The following CACHD1 variants were observed in gnomAD, a reference collection of about 807,000 sequenced individuals.
CACHD1 encodes cache domain containing 1, also known as VWFA and cache domain-containing protein 1.
In CACHD1, 71 loss-of-function variants were observed where a neutral mutation model predicts 138.7. The observed-to-expected ratio is 0.51, with a 90% CI of 0.42 to 0.62. CACHD1 has a LOEUF of 0.62. CACHD1 is among the 20% of genes least tolerant of loss of function. The pLI, the probability that CACHD1 is intolerant of heterozygous loss-of-function variation, is 0.00. For synonymous variants in CACHD1, 578 were observed against 591.5 expected (o/e 0.98, Z 0.33); for missense variants, 1,389 against 1,625.3 (o/e 0.85, Z 2.50).
In CACHD1 at chr1:64,615,009, C is replaced by A. The variant is rs1011290246; in HGVS notation, c.517+12097C>A. On this transcript the variant is annotated intron_variant, in intron 4 of 26. Transcript: ENST00000651257. ...AGCTCACGTTGGAGACCCTGCACCC[C>A]CATCTTCTGCTCCTTTTCCTTGAGT... Among the ~76,000 whole-genome samples, 6 of 152,148 alleles carry A rather than the reference C, an allele frequency of 3.9e-5. No homozygotes were observed. In the East Asian group the frequency reaches 1.2e-3, roughly 29 times the overall value.
intron 4 of CACHD1, among the ~76,000 whole-genome samples, chr1:64,624,248 T>C (rs1001617918): frequency 8.5e-5 from 13 of 152,232 alleles, no homozygotes; most frequent in Non-Finnish European, 1.8e-4. Context: ...AACTGTGCTA[T>C]AGTGTTGGAA....
chr1:64,488,882 T>C (rs1160928121), intron 1 of CACHD1, among the ~76,000 whole-genome samples: 1 of 152,224 alleles, frequency 6.6e-6, no homozygotes, highest in Non-Finnish European at 1.5e-5. Context: ...GGTACTCTGG[T>C]AGATACCTAG....
intron 26 of CACHD1, among the ~76,000 whole-genome samples, chr1:64,684,932 C>G (rs1341401205): frequency 6.6e-6 from 1 of 152,192 alleles, no homozygotes; most frequent in Non-Finnish European, 1.5e-5. Context: ...GCTTCAGCCT[C>G]CCAAGTAACT....
At chr1:64,526,470 G>C (rs1179401353) in intron 1 of CACHD1, among the ~76,000 whole-genome samples, 1 of 152,130 alleles carries the variant, frequency 6.6e-6, no homozygotes. Context: ...GGAAGAAAAG[G>C]TTCCAGCCTG....
At chr1:64,615,926 A>G (rs571440826) in intron 4 of CACHD1, among the ~76,000 whole-genome samples, 1 of 152,308 alleles carries the variant, frequency 6.6e-6, no homozygotes, top group Non-Finnish European at 1.5e-5. Context: ...CTTACCATAG[A>G]TACCAAGGGC....
chr1:64,618,590 C>T (rs1331859392), intron 4 of CACHD1, among the ~76,000 whole-genome samples: 1 of 152,154 alleles, frequency 6.6e-6, no homozygotes, highest in African/African-American at 2.4e-5. Flanking sequence ...TATATGGCCC[C>T]TGCAGAATAG....
chr1:64,579,039 A>G (rs1047209562), intron 2 of CACHD1, among the ~76,000 whole-genome samples: 15 of 152,298 alleles, frequency 9.8e-5, no homozygotes, highest in South Asian at 8.3e-4. Flanking sequence ...CTGGGGATAA[A>G]TTAGGGCCGC....
At chr1:64,627,611 C>T (rs191200824) in intron 4 of CACHD1, among the ~76,000 whole-genome samples, 87 of 152,244 alleles carry the variant, frequency 5.7e-4, no homozygotes, top group African/African-American at 2.1e-3. Flanking sequence ...ATCACCCCCA[C>T]AATATCCTGC....
intron 2 of CACHD1, among the ~76,000 whole-genome samples, chr1:64,576,787 C>T (rs1291212316): frequency 1.3e-5 from 2 of 152,148 alleles, no homozygotes; most frequent in Non-Finnish European, 2.9e-5. Context: ...GCACTCTGTT[C>T]TCTTGCCAGG....
intron 3 of CACHD1, among the ~76,000 whole-genome samples, chr1:64,591,302 T>C (rs540574282): frequency 2.4e-4 from 37 of 152,228 alleles, no homozygotes; most frequent in African/African-American, 8.9e-4. Context: ...TATGGAGATA[T>C]GGAGGAAGAG....
intron 1 of CACHD1, among the ~76,000 whole-genome samples, chr1:64,482,090 T>C (rs1378143949): frequency 6.6e-6 from 1 of 152,226 alleles, no homozygotes; most frequent in Non-Finnish European, 1.5e-5. Flanking sequence ...GATATTTTCA[T>C]GTCTGTATTA....
chr1:64,499,762 T>C (rs912586039), intron 1 of CACHD1, among the ~76,000 whole-genome samples: 10 of 152,212 alleles, frequency 6.6e-5, no homozygotes, highest in Non-Finnish European at 1.2e-4. Context: ...ATTACAGTAG[T>C]TGTTAGACCC....
At chr1:64,682,411 A>G (rs1251789789) in intron 26 of CACHD1, among the ~76,000 whole-genome samples, 1 of 152,088 alleles carries the variant, frequency 6.6e-6, no homozygotes, top group Non-Finnish European at 1.5e-5. Flanking sequence ...GCTGGCAAAC[A>G]GCAGGATCTT....
chr1:64,594,638 T>C (rs1224171069), intron 3 of CACHD1, among the ~76,000 whole-genome samples: 1 of 152,236 alleles, frequency 6.6e-6, no homozygotes, highest in Non-Finnish European at 1.5e-5. Context: ...TGACCTTCAT[T>C]GAAGGAAGAA....
chr1:64,639,266 G>A (rs1648622353), intron 7 of CACHD1, among the ~76,000 whole-genome samples: 1 of 152,046 alleles, frequency 6.6e-6, no homozygotes, highest in Non-Finnish European at 1.5e-5. Flanking sequence ...CTCCAACTAG[G>A]GACTCAAGCA....
At chr1:64,488,453 G>T (rs905984229) in intron 1 of CACHD1, among the ~76,000 whole-genome samples, 26 of 152,048 alleles carry the variant, frequency 1.7e-4, no homozygotes, top group Non-Finnish European at 2.8e-4. Context: ...AGAGTATTGT[G>T]GTACTATTTT....
chr1:64,650,201 T>C (rs890632867), intron 9 of CACHD1, among the ~76,000 whole-genome samples: 1 of 152,224 alleles, frequency 6.6e-6, no homozygotes, highest in African/African-American at 2.4e-5. Flanking sequence ...ATTGTGTTTC[T>C]TTTTTAAGAC....
intron 4 of CACHD1, among the ~76,000 whole-genome samples, chr1:64,623,515 G>A (rs544563976): frequency 6.6e-6 from 1 of 152,104 alleles, no homozygotes; most frequent in Non-Finnish European, 1.5e-5. Context: ...GCAGCTCTCA[G>A]AGAATGTGTG....
At position 64,664,772 on chromosome 1, in the gene CACHD1, A is replaced by C. The variant is rs578200899; in HGVS notation, c.2276+93A>C. On this transcript the variant is annotated intron_variant, in intron 15 of 26. Coordinates refer to ENST00000651257, the MANE Select transcript of CACHD1 (RefSeq NM_020925.4). ...ACAATAAAGCAACTTCAGGGCATTA[A>C]ACTAAAGAAGATACTTTCATGGTGG... The C allele has an allele frequency of 3.8e-5, 42 of 1,112,514 alleles. No individual in the cohort carries two copies. The African/African-American group carries it at 5.6e-4, about 15-fold the overall frequency. 68.9% of individuals were successfully genotyped at this position (1,112,514 alleles called of 1,614,324 possible).
Sources: gnomAD v4.1 joint callset for allele counts (sites outside exome capture counted in the v4.1 genomes callset) on GRCh38, gnomAD v4.1.1 for gene constraint, MANE v1.5 for transcripts, NCBI Gene and HGNC (gene_info 2026-07-23, HGNC 2026-07-21) for gene names.